The following CELF4 variants were observed in gnomAD, a reference collection of about 807,000 sequenced individuals.
CELF4 encodes CUGBP Elav-like family member 4.
In CELF4, 18 loss-of-function variants were observed where a neutral mutation model predicts 59.9. The observed-to-expected ratio is 0.30, with a 90% CI of 0.21 to 0.45. The LOEUF is 0.45. Ranked by LOEUF, CELF4 falls within the 20% of genes least tolerant of loss-of-function variation. The pLI, the probability that CELF4 is intolerant of heterozygous loss-of-function variation, is 1.00. For synonymous variants in CELF4, 261 were observed against 267.1 expected (o/e 0.98, Z 0.22); for missense variants, 456 against 689.0 (o/e 0.66, Z 3.79).
intron 2 of CELF4, among the ~76,000 whole-genome samples, chr18:37,427,490 C>G (rs181245132): frequency 1.2e-3 from 188 of 152,252 alleles, no homozygotes; most frequent in African/African-American, 4.3e-3. Context: ...GTGGGGGAAG[C>G]CAACTTGGGC....
chr18:37,521,427 A>G (rs2099957321), intron 1 of CELF4, among the ~76,000 whole-genome samples: 1 of 152,130 alleles, frequency 6.6e-6, no homozygotes, highest in South Asian at 2.1e-4. Context: ...TCTATAAACT[A>G]TATCAACTTG....
chr18:37,541,183 G>A (rs2099977515), intron 1 of CELF4, among the ~76,000 whole-genome samples: 1 of 152,064 alleles, frequency 6.6e-6, no homozygotes, highest in Admixed American at 6.5e-5. Context: ...CTGAGCTCCA[G>A]GATCATATTC....
chr18:37,288,815 G>T (rs1404508228), intron 3 of CELF4, among the ~76,000 whole-genome samples: 1 of 152,152 alleles, frequency 6.6e-6, no homozygotes. Context: ...CATATTATCT[G>T]TTGGTATGTG....
rs563910332 is a variant in CELF4 at position 37,468,749 on chromosome 18, A to G, written c.369+16776T>C. Among the ~76,000 whole-genome samples, 106 of 152,260 alleles carry G rather than the reference A, an allele frequency of 7.0e-4. 1 individual carries two copies. Among genetic ancestry groups the G allele is most frequent in the African/African-American group, 2.2e-3 (91 of 41,554 alleles). On this transcript the variant is annotated intron_variant, in intron 2 of 12. Coordinates refer to ENST00000420428, the MANE Select transcript of CELF4 (RefSeq NM_020180.4). ...GTGGCAGGCAAGCAGAGGCAAAGGT[A>G]CATCTTACATGGCAGCAGGGGAGAG...
rs2061022833 is a variant in CELF4, at chr18:37,243,668, T to C, written c.*1574A>G. 2 of 152,446 alleles carry C rather than the reference T, an allele frequency of 1.3e-5. No homozygotes were observed. Among genetic ancestry groups the C allele is most frequent in the Non-Finnish European group, 2.9e-5 (2 of 68,180 alleles). 9.4% of individuals were successfully genotyped at this position (152,446 alleles called of 1,614,324 possible). ...TTACAGAAAAACAGAGCCGGCATCA[T>C]TTAAACATCCCTGTTTTTCAAAATT... is the stretch of plus-strand genomic sequence containing the variant. On this transcript the variant is annotated 3_prime_UTR_variant, in exon 13 of 13. Transcript: ENST00000420428.
At chr18:37,428,715 T>C (rs1360733784) in intron 2 of CELF4, among the ~76,000 whole-genome samples, 1 of 152,176 alleles carries the variant, frequency 6.6e-6, no homozygotes, top group Non-Finnish European at 1.5e-5. Context: ...TAGGGTTGTA[T>C]GAGGCAGGAA....
chr18:37,289,721 A>G (rs2095186282), intron 3 of CELF4, among the ~76,000 whole-genome samples: 1 of 152,170 alleles, frequency 6.6e-6, no homozygotes, highest in Non-Finnish European at 1.5e-5. Context: ...TAGATGAGTT[A>G]ACTGAGGCTC....
chr18:37,369,252 G>A (rs934762744), intron 2 of CELF4, among the ~76,000 whole-genome samples: 1 of 152,128 alleles, frequency 6.6e-6, no homozygotes, highest in Admixed American at 6.6e-5. Flanking sequence ...TATGGTGGGG[G>A]GGTGGGCAGC....
intron 1 of CELF4, among the ~76,000 whole-genome samples, chr18:37,499,177 G>A (rs1268794758): frequency 6.6e-6 from 1 of 152,216 alleles, no homozygotes; most frequent in African/African-American, 2.4e-5. Flanking sequence ...CAGAACGACA[G>A]ATGGTTTGCT....
chr18:37,275,355 CG>C, intron 3 of CELF4, 112 bp from the exon 4 acceptor site: 1 of 255,558 alleles, frequency 3.9e-6, no homozygotes, highest in Non-Finnish European at 5.1e-6. Context: ...GGAGGCGGGG[CG>C]GGGGCTCGGA....
At chr18:37,261,740 G>T (rs67140000) in intron 10 of CELF4, among the ~76,000 whole-genome samples, 25,122 of 152,288 alleles carry the variant, frequency 0.16, 2,311 homozygotes, top group African/African-American at 0.24. Context: ...CGCTGCGGCA[G>T]CCATCCCTGA....
intron 2 of CELF4, among the ~76,000 whole-genome samples, chr18:37,336,060 C>A (rs529217087): frequency 6.6e-6 from 1 of 152,304 alleles, no homozygotes; most frequent in Non-Finnish European, 1.5e-5. Flanking sequence ...TTCTTCGCAG[C>A]GCACTTCTGA....
intron 2 of CELF4, among the ~76,000 whole-genome samples, chr18:37,470,875 T>A (rs1478907245): frequency 0.058 from 5,608 of 97,430 alleles, 204 homozygotes; most frequent in Non-Finnish European, 0.07. Context: ...TGTGTGTGTG[T>A]GTGTGTGTGT....
intron 1 of CELF4, among the ~76,000 whole-genome samples, chr18:37,490,627 C>T (rs971012619): frequency 2.6e-5 from 4 of 152,124 alleles, no homozygotes; most frequent in African/African-American, 9.7e-5. Flanking sequence ...CAGGTGCTCT[C>T]AACTCAGCAA....
At chr18:37,448,514 G>A (rs2099754363) in intron 2 of CELF4, among the ~76,000 whole-genome samples, 2 of 152,254 alleles carry the variant, frequency 1.3e-5, no homozygotes, top group Admixed American at 1.3e-4. Flanking sequence ...GGCAGGGCAT[G>A]TCCAGCTCTG....
intron 1 of CELF4, among the ~76,000 whole-genome samples, chr18:37,557,397 CG>C (rs1345977711): frequency 1.3e-5 from 2 of 152,214 alleles, no homozygotes; most frequent in Non-Finnish European, 2.9e-5. Context: ...CTCACAATCC[CG>C]GTCCTTGAAC....
At chr18:37,501,996 G>A (rs1397385638) in intron 1 of CELF4, among the ~76,000 whole-genome samples, 2 of 152,124 alleles carry the variant, frequency 1.3e-5, no homozygotes, top group African/African-American at 2.4e-5. Flanking sequence ...AGTAGCCCTC[G>A]GCTGAATCAT....
In CELF4 at chr18:37,254,089, C is replaced by T. The variant is rs2067433946; in HGVS notation, c.1334-151G>A. ...CGGCCCCGCCCCGGTGCCCGCCCCT[C>T]TCCAGCCCGCGCGCGCGTGCTAGGC... On this transcript the variant is annotated intron_variant, in intron 11 of 12. Transcript: ENST00000420428. The surrounding 1 kb of genome is among the most constrained non-coding windows in gnomAD (Gnocchi z 5.1). The T allele has an allele frequency of 2.4e-6, 1 of 423,666 alleles. No individual in the cohort carries two copies. The highest frequency in any genetic ancestry group is 2.1e-5 in the African/African-American group (1 of 46,978). The allele number at this position is 423,666 out of a possible 1,614,324, so 26.2% of individuals were successfully genotyped here. A position where few individuals can be genotyped will look rare whatever the true frequency, so the allele number is the denominator to read the frequency against.
intron 2 of CELF4, among the ~76,000 whole-genome samples, chr18:37,444,535 A>G (rs1014209086): frequency 3.3e-5 from 5 of 151,890 alleles, no homozygotes; most frequent in Admixed American, 6.6e-5. Context: ...TGCTCTACCC[A>G]AAAGCCAAGG....
Sources: allele counts gnomAD v4.1 joint callset (sites outside exome capture counted in the v4.1 genomes callset), GRCh38; gene constraint gnomAD v4.1.1; non-coding constraint Gnocchi (gnomAD v3.1); transcripts MANE v1.5; gene names NCBI Gene and HGNC (gene_info 2026-07-23, HGNC 2026-07-21).